NBAS: variants seen among roughly 807,000 people sequenced by gnomAD.
NBAS encodes the protein NBAS subunit of NRZ tethering complex.
Under a neutral mutation model 302.5 loss-of-function variants are expected in NBAS, and 219 were observed. That is an observed-to-expected ratio of 0.72 (90% CI 0.65 to 0.81). The LOEUF (loss-of-function observed/expected upper bound fraction) is 0.81, where lower values mean the gene tolerates loss of function less well. Ranked by LOEUF, NBAS falls within the 30% of genes least tolerant of loss-of-function variation. NBAS has a pLI of 0.00. For missense variants in NBAS, 2,932 were observed against 2,841.6 expected (o/e 1.03, Z -0.72); for synonymous variants, 1,118 against 1,021.6 (o/e 1.09, Z -1.80).
chr2:14,920,563 T>G, the NBAS span, among the ~76,000 whole-genome samples: 1 of 152,218 alleles, frequency 6.6e-6, no homozygotes, highest in Non-Finnish European at 1.5e-5. Flanking sequence ...AGGGTTGTTT[T>G]GTCTAGATTA....
At chr2:15,124,921 T>A in the NBAS span, among the ~76,000 whole-genome samples, 2 of 152,156 alleles carry the variant, frequency 1.3e-5, no homozygotes, top group African/African-American at 4.8e-5. Context: ...TACTCTACTA[T>A]GGCAGTGCTG....
chr2:15,550,330 T>C (rs1664316198), intron 6 of NBAS, among the ~76,000 whole-genome samples: 1 of 152,250 alleles, frequency 6.6e-6, no homozygotes, highest in African/African-American at 2.4e-5. Context: ...ATATTTATAC[T>C]GCTTTATTTC....
the NBAS span, among the ~76,000 whole-genome samples, chr2:15,141,139 C>T: frequency 0.011 from 1,670 of 152,152 alleles, 32 homozygotes; most frequent in African/African-American, 0.038. Context: ...GTCTCTCTCT[C>T]GCTCCCATCC....
chr2:15,201,276 A>C (rs1047450252), intron 48 of NBAS, among the ~76,000 whole-genome samples: 1 of 152,226 alleles, frequency 6.6e-6, no homozygotes, highest in Admixed American at 6.5e-5. Flanking sequence ...GGCTTCAAAA[A>C]ACAGAATGAA....
the NBAS span, among the ~76,000 whole-genome samples, chr2:14,829,694 C>G: frequency 1.3e-5 from 2 of 152,162 alleles, no homozygotes; most frequent in African/African-American, 4.8e-5. Flanking sequence ...TTACAGGATA[C>G]TGGAGCAAAT....
the NBAS span, among the ~76,000 whole-genome samples, chr2:14,991,446 C>A: frequency 6.6e-6 from 1 of 152,184 alleles, no homozygotes; most frequent in Non-Finnish European, 1.5e-5. Context: ...CATTGACACT[C>A]TTCTTCCCAG....
intron 6 of NBAS, 121 bp downstream of exon 6, chr2:15,551,372 T>C: frequency 1.6e-6 from 1 of 625,370 alleles, no homozygotes; most frequent in African/African-American, 1.9e-5. Context: ...TTAAAAATTA[T>C]TTTAATAGTC....
At chr2:15,168,856 T>G (rs748881396) in intron 51 of NBAS, among the ~76,000 whole-genome samples, 1 of 152,220 alleles carries the variant, frequency 6.6e-6, no homozygotes, top group Non-Finnish European at 1.5e-5. Flanking sequence ...CTCGAACTCC[T>G]GACCTCAGGT....
chr2:15,034,222 G>A, the NBAS span, among the ~76,000 whole-genome samples: 9,594 of 38,946 alleles, frequency 0.25, 1,540 homozygotes, highest in East Asian at 0.31. Flanking sequence ...AAGAAAGAGA[G>A]GGAAAGAAAG....
intron 14 of NBAS, among the ~76,000 whole-genome samples, chr2:15,474,549 TTTCTTC>T (rs57852145): frequency 1.3e-4 from 19 of 147,736 alleles, no homozygotes; most frequent in South Asian, 2.2e-4. Context: ...AGCCTGTTTT[TTTCTTC>T]TTCTTCTTCT....
intron 31 of NBAS, 96 bp downstream of exon 31, chr2:15,374,512 C>T: frequency 9.5e-7 from 1 of 1,050,332 alleles, no homozygotes; most frequent in Non-Finnish European, 1.5e-6. Flanking sequence ...GATTACATGA[C>T]CAAAGCTACT....
chr2:15,268,994 G>A (rs979257939), intron 44 of NBAS, among the ~76,000 whole-genome samples: 1 of 152,170 alleles, frequency 6.6e-6, no homozygotes, highest in Non-Finnish European at 1.5e-5. Flanking sequence ...AGGTCCTTAG[G>A]GGTTTAAGTT....
intron 47 of NBAS, among the ~76,000 whole-genome samples, chr2:15,229,027 C>G (rs1359297250): frequency 6.6e-6 from 1 of 152,080 alleles, no homozygotes; most frequent in African/African-American, 2.4e-5. Flanking sequence ...GGTAATTATA[C>G]CAATTTTATC....
the NBAS span, among the ~76,000 whole-genome samples, chr2:15,013,918 T>C: frequency 6.6e-6 from 1 of 152,094 alleles, no homozygotes; most frequent in African/African-American, 2.4e-5. Flanking sequence ...TCACCAGTGA[T>C]GTGTGAACAC....
the NBAS span, among the ~76,000 whole-genome samples, chr2:14,958,200 G>A: frequency 6.6e-6 from 1 of 152,342 alleles, no homozygotes; most frequent in African/African-American, 2.4e-5. Context: ...GGTAGAGACA[G>A]AAGGCAGAGT....
At chr2:15,175,110 G>C (rs1446159334) in intron 51 of NBAS, among the ~76,000 whole-genome samples, 1 of 152,086 alleles carries the variant, frequency 6.6e-6, no homozygotes, top group East Asian at 1.9e-4. Context: ...GGGACTACAG[G>C]CACCCACCAC....
the NBAS span, among the ~76,000 whole-genome samples, chr2:14,904,240 C>T: frequency 6.6e-6 from 1 of 152,162 alleles, no homozygotes; most frequent in Non-Finnish European, 1.5e-5. Context: ...TGAAGTCCTA[C>T]CATACGCCAT....
intron 14 of NBAS, among the ~76,000 whole-genome samples, chr2:15,475,087 C>T (rs1680132206): frequency 6.6e-6 from 1 of 152,166 alleles, no homozygotes; most frequent in Non-Finnish European, 1.5e-5. Flanking sequence ...AACTTTCATT[C>T]CAGACTTAAC....
the NBAS span, among the ~76,000 whole-genome samples, chr2:15,077,948 C>A: frequency 1.3e-5 from 2 of 152,048 alleles, no homozygotes; most frequent in Non-Finnish European, 2.9e-5. Context: ...TCCCAAAATG[C>A]TGGGATTACA....
Sources: gnomAD v4.1 joint callset for allele counts (sites outside exome capture counted in the v4.1 genomes callset) on GRCh38, gnomAD v4.1.1 for gene constraint, MANE v1.5 for transcripts, NCBI Gene and HGNC (gene_info 2026-07-23, HGNC 2026-07-21) for gene names.